CALCR: variants seen among roughly 807,000 people sequenced by gnomAD.
CALCR encodes calcitonin receptor.
A neutral mutation model predicts 59.5 loss-of-function variants in CALCR; 47 were observed. The ratio of observed to expected loss-of-function variants is 0.79; its 90% confidence interval spans 0.63 to 1.01. The LOEUF is 1.01. Ranked by LOEUF, CALCR falls within the 50% of genes least tolerant of loss-of-function variation. The pLI is 0.00. For synonymous variants in CALCR, 213 were observed against 211.3 expected (o/e 1.01, Z -0.07); for missense variants, 566 against 597.1 (o/e 0.95, Z 0.54).
intron 2 of CALCR, among the ~76,000 whole-genome samples, chr7:93,537,817 A>C (rs572067297): frequency 6.6e-6 from 1 of 151,800 alleles, no homozygotes; most frequent in Non-Finnish European, 1.5e-5. Context: ...TACATATTTG[A>C]TATGTTTGTA....
intron 2 of CALCR, among the ~76,000 whole-genome samples, chr7:93,489,780 C>T (rs1245346330): frequency 1.3e-5 from 2 of 151,796 alleles, no homozygotes; most frequent in East Asian, 3.9e-4. Flanking sequence ...GCCTACCAAC[C>T]AAAAAATGTC....
At chr7:93,449,778 C>T (rs76327182) in intron 8 of CALCR, among the ~76,000 whole-genome samples, 6,650 of 152,122 alleles carry the variant, frequency 0.044, 260 homozygotes, top group Non-Finnish European at 0.062. Context: ...ATATCTGCAG[C>T]GGTCAGGCTG....
chr7:93,559,191 A>G (rs963045622), intron 2 of CALCR, among the ~76,000 whole-genome samples: 1 of 152,126 alleles, frequency 6.6e-6, no homozygotes, highest in Non-Finnish European at 1.5e-5. Flanking sequence ...ATTAGTAGGC[A>G]CATTAGGCAA....
At chr7:93,531,047 G>A (rs945296683) in intron 2 of CALCR, among the ~76,000 whole-genome samples, 1 of 151,950 alleles carries the variant, frequency 6.6e-6, no homozygotes, top group Non-Finnish European at 1.5e-5. Context: ...AAGTTATTTG[G>A]AGGTGCCTGG....
chr7:93,501,505 G>T (rs10234339), intron 2 of CALCR, among the ~76,000 whole-genome samples: 26,984 of 151,946 alleles, frequency 0.18, 5,856 homozygotes, highest in African/African-American at 0.51. Context: ...GAATTAATCT[G>T]AACTAATGTG....
chr7:93,498,820 G>A (rs1269530166), intron 2 of CALCR, among the ~76,000 whole-genome samples: 1 of 151,610 alleles, frequency 6.6e-6, no homozygotes, highest in African/African-American at 2.4e-5. Context: ...TATCAGAAGG[G>A]TCTTCTATTT....
chr7:93,499,598 T>G (rs1801279750), intron 2 of CALCR, among the ~76,000 whole-genome samples: 1 of 151,860 alleles, frequency 6.6e-6, no homozygotes, highest in African/African-American at 2.4e-5. Flanking sequence ...TGTTGCAGAC[T>G]TATCAGCATT....
At chr7:93,549,316 A>AGT (rs1789387477) in intron 2 of CALCR, among the ~76,000 whole-genome samples, 1 of 152,156 alleles carries the variant, frequency 6.6e-6, no homozygotes, top group Non-Finnish European at 1.5e-5. Context: ...CATATTTTTC[A>AGT]AATGACTATC....
chr7:93,571,634 T>G (rs1379612918), intron 2 of CALCR, among the ~76,000 whole-genome samples: 1 of 152,152 alleles, frequency 6.6e-6, no homozygotes, highest in African/African-American at 2.4e-5. Flanking sequence ...TGCTGTTAAG[T>G]TGTAAAAAAT....
At chr7:93,437,316 A>G (rs1456196886) in intron 11 of CALCR, among the ~76,000 whole-genome samples, 2 of 152,086 alleles carry the variant, frequency 1.3e-5, no homozygotes, top group African/African-American at 4.8e-5. Flanking sequence ...ATATTTTATA[A>G]TCGTGAATTT....
intron 8 of CALCR, among the ~76,000 whole-genome samples, chr7:93,459,921 A>C (rs1800281620): frequency 6.6e-6 from 1 of 152,200 alleles, no homozygotes; most frequent in South Asian, 2.1e-4. Context: ...GCAATTGTGC[A>C]TGTGGGCATG....
intron 2 of CALCR, among the ~76,000 whole-genome samples, chr7:93,542,519 C>CTT (rs1789171211): frequency 6.6e-6 from 1 of 152,060 alleles, no homozygotes; most frequent in Non-Finnish European, 1.5e-5. Flanking sequence ...ACTATGTAGA[C>CTT]TTTATAAACA....
At chr7:93,449,489 T>C (rs1230090539) in intron 8 of CALCR, among the ~76,000 whole-genome samples, 2 of 152,022 alleles carry the variant, frequency 1.3e-5, no homozygotes, top group Admixed American at 1.3e-4. Flanking sequence ...ATTCATCACC[T>C]TTATGTCTCT....
intron 2 of CALCR, among the ~76,000 whole-genome samples, chr7:93,534,767 T>C (rs566176623): frequency 1.6e-4 from 25 of 151,738 alleles, no homozygotes; most frequent in Non-Finnish European, 2.5e-4. Context: ...CACAAGGCTT[T>C]ACTGAAGAAA....
chr7:93,431,950 T>G (rs1799667056), intron 13 of CALCR, among the ~76,000 whole-genome samples: 1 of 152,176 alleles, frequency 6.6e-6, no homozygotes. Flanking sequence ...ACCTAATAAT[T>G]TACTGATATG....
chr7:93,514,187 T>C (rs542671956), intron 2 of CALCR, among the ~76,000 whole-genome samples: 7 of 152,206 alleles, frequency 4.6e-5, no homozygotes, highest in Admixed American at 3.9e-4. Context: ...CTATGCTCAA[T>C]TAAGAGATAA....
At chr7:93,495,276 C>T (rs1432347409) in intron 2 of CALCR, among the ~76,000 whole-genome samples, 1 of 151,348 alleles carries the variant, frequency 6.6e-6, no homozygotes, top group East Asian at 1.9e-4. Context: ...CAAAGTTTAA[C>T]TTTGACATAA....
chr7:93,438,825 C>G lies in CALCR; in HGVS notation c.803-555G>C, dbSNP rs188351887. On this transcript the variant is annotated intron_variant, in intron 9 of 13. Transcript: ENST00000426151. ...TTCAGAGAAGCCAGTACATTCCCTA[C>G]CTTCTGTAGGTTCTGGCTAGAGAAA... 9.9e-5 allele frequency among the ~76,000 whole-genome samples: 15 copies of G among 152,164 alleles called. No individual in the cohort carries two copies. In the South Asian group the frequency reaches 2.9e-3, roughly 29 times the overall value.
chr7:93,459,706 A>G (rs1004090172), intron 8 of CALCR, among the ~76,000 whole-genome samples: 2 of 152,194 alleles, frequency 1.3e-5, no homozygotes, highest in Non-Finnish European at 2.9e-5. Flanking sequence ...AAGTGCAGCC[A>G]GGATTGGAAA....
Sources: gnomAD v4.1 joint callset for allele counts (sites outside exome capture counted in the v4.1 genomes callset) on GRCh38, gnomAD v4.1.1 for gene constraint, MANE v1.5 for transcripts, NCBI Gene and HGNC (gene_info 2026-07-23, HGNC 2026-07-21) for gene names.